Variants in PGM5 observed in about 807,000 individuals in gnomAD.
The protein encoded by PGM5 is phosphoglucomutase-like protein 5.
A neutral mutation model predicts 59.2 loss-of-function variants in PGM5; 23 were observed. The ratio of observed to expected loss-of-function variants is 0.39; its 90% CI spans 0.28 to 0.55. The LOEUF (loss-of-function observed/expected upper bound fraction) is 0.55, where lower values mean the gene tolerates loss of function less well. PGM5 is among the 20% of genes least tolerant of loss of function. The probability of loss-of-function intolerance (pLI) is 0.66; values close to 1 mark genes in which losing one functional copy is unlikely to be tolerated. For missense variants in PGM5, 574 were observed against 748.3 expected (o/e 0.77, Z 2.72); for synonymous variants, 214 against 286.0 (o/e 0.75, Z 2.54).
chr9:68,500,771 A>C (rs1439973705), intron 10 of PGM5, among the ~76,000 whole-genome samples: 18 of 151,908 alleles, frequency 1.2e-4, no homozygotes, highest in Admixed American at 5.2e-4. Context: ...ACCAACTCTG[A>C]CTCACTCTGA....
chr9:68,484,806 T>C (rs781864987), intron 9 of PGM5, among the ~76,000 whole-genome samples: 1 of 152,112 alleles, frequency 6.6e-6, no homozygotes, highest in Non-Finnish European at 1.5e-5. Context: ...GGGGCCTCAG[T>C]GAGTCAGTCC....
intron 6 of PGM5, among the ~76,000 whole-genome samples, chr9:68,464,812 A>T (rs1009428043): frequency 9.2e-5 from 14 of 152,234 alleles, no homozygotes; most frequent in African/African-American, 3.1e-4. Flanking sequence ...TTCCAAAAAG[A>T]TAAAGAAAAA....
intron 9 of PGM5, 120 bp from the exon 10 acceptor site, chr9:68,499,107 T>C: frequency 9.6e-7 from 1 of 1,038,710 alleles, no homozygotes; most frequent in Non-Finnish European, 1.5e-6. Flanking sequence ...CCAATATAAA[T>C]GGTCTTGATT....
intron 10 of PGM5, among the ~76,000 whole-genome samples, chr9:68,521,865 G>A (rs999199644): frequency 6.6e-6 from 1 of 152,184 alleles, no homozygotes; most frequent in South Asian, 2.1e-4. Flanking sequence ...TGTGCCTAAA[G>A]CCTCTCAGCT....
intron 7 of PGM5, chr9:68,466,593 T>G (rs1823938704): frequency 6.5e-6 from 1 of 153,380 alleles, no homozygotes; most frequent in Non-Finnish European, 1.5e-5. Context: ...TAGAAATGGG[T>G]ACAACCCTTT....
intron 7 of PGM5, among the ~76,000 whole-genome samples, chr9:68,466,781 C>G (rs1823941811): frequency 6.6e-6 from 1 of 152,080 alleles, no homozygotes; most frequent in Non-Finnish European, 1.5e-5. Flanking sequence ...TTTAAGTGTT[C>G]CTGTTTCTCC....
At chr9:68,509,248 C>A (rs1824706589) in intron 10 of PGM5, among the ~76,000 whole-genome samples, 1 of 152,192 alleles carries the variant, frequency 6.6e-6, no homozygotes, top group African/African-American at 2.4e-5. Context: ...GCTGGCAGGC[C>A]TGACAAACTC....
chr9:68,425,617 T>G (rs1823222964), intron 6 of PGM5, among the ~76,000 whole-genome samples: 1 of 152,206 alleles, frequency 6.6e-6, no homozygotes, highest in African/African-American at 2.4e-5. Context: ...ATACCTACAT[T>G]TTAGAAATAT....
chr9:68,494,148 C>T (rs1824444361), intron 9 of PGM5, among the ~76,000 whole-genome samples: 1 of 152,240 alleles, frequency 6.6e-6, no homozygotes, highest in South Asian at 2.1e-4. Flanking sequence ...ATTCCGGCTA[C>T]TCTAGCTGCT....
intron 10 of PGM5, among the ~76,000 whole-genome samples, chr9:68,513,219 A>G (rs1445236640): frequency 6.6e-6 from 1 of 152,256 alleles, no homozygotes; most frequent in Non-Finnish European, 1.5e-5. Context: ...GGAAAAAAAT[A>G]TCAAATCTCT....
At chr9:68,453,659 C>T (rs1823731108) in intron 6 of PGM5, among the ~76,000 whole-genome samples, 1 of 152,198 alleles carries the variant, frequency 6.6e-6, no homozygotes, top group Non-Finnish European at 1.5e-5. Context: ...AACTTTCAAT[C>T]ATCCCATGTA....
intron 6 of PGM5, among the ~76,000 whole-genome samples, chr9:68,410,518 ATCATGATGATATTTT>A (rs1225470902): frequency 2.0e-5 from 3 of 152,094 alleles, no homozygotes; most frequent in African/African-American, 7.2e-5. Flanking sequence ...GACATAAACT[ATCATGATGATATTTT>A]TGATGATGGT....
At chr9:68,444,171 C>T (rs555674846) in intron 6 of PGM5, among the ~76,000 whole-genome samples, 22 of 150,594 alleles carry the variant, frequency 1.5e-4, no homozygotes, top group African/African-American at 5.4e-4. Flanking sequence ...GGATCAAAGA[C>T]AGAAATATTG....
chr9:68,480,834 C>T (rs1217193513), intron 8 of PGM5, among the ~76,000 whole-genome samples: 3 of 152,080 alleles, frequency 2.0e-5, no homozygotes, highest in Admixed American at 6.5e-5. Context: ...ATCACTTTCC[C>T]GTTGTTTAAG....
At chr9:68,427,490 T>C (rs1388178346) in intron 6 of PGM5, among the ~76,000 whole-genome samples, 4 of 152,152 alleles carry the variant, frequency 2.6e-5, no homozygotes, top group Non-Finnish European at 4.4e-5. Flanking sequence ...AAATCCCTGT[T>C]TGATCCTATC....
In PGM5 at chr9:68,421,403, A is replaced by G. The variant is rs966496499; in HGVS notation, c.1043+28930A>G. On this transcript the variant is annotated intron_variant, in intron 6 of 10. Coordinates refer to ENST00000396396, the MANE Select transcript of PGM5 (RefSeq NM_021965.4). ...ATCTTATGGGCAACGGATTCTCCAT[A>G]TTAAATTCCTTCTGTTTGAAATACT... is the stretch of plus-strand genomic sequence containing the variant. 2.0e-5 allele frequency among the ~76,000 whole-genome samples: 3 copies of G among 152,186 alleles called. No individual in the cohort carries two copies. The South Asian group carries it at 6.2e-4, about 32-fold the overall frequency.
chr9:68,526,456 A>AC (rs1824976171), intron 10 of PGM5, among the ~76,000 whole-genome samples: 1 of 152,264 alleles, frequency 6.6e-6, no homozygotes, highest in Non-Finnish European at 1.5e-5. Flanking sequence ...TGATGAATCC[A>AC]GAAACAGAGT....
intron 1 of PGM5, among the ~76,000 whole-genome samples, chr9:68,373,763 C>A (rs4014852): frequency 0.013 from 1,938 of 145,632 alleles, 37 homozygotes; most frequent in African/African-American, 0.047. Flanking sequence ...TCACTCACAC[C>A]ATAGTCCAAT....
chr9:68,520,631 C>T (rs1292204345), intron 10 of PGM5, among the ~76,000 whole-genome samples: 2 of 151,976 alleles, frequency 1.3e-5, no homozygotes, highest in East Asian at 1.9e-4. Flanking sequence ...CAACTGAATT[C>T]GAAAATGAAA....
Sources: gnomAD v4.1 joint callset for allele counts (sites outside exome capture counted in the v4.1 genomes callset) on GRCh38, gnomAD v4.1.1 for gene constraint, MANE v1.5 for transcripts, NCBI Gene and HGNC (gene_info 2026-07-23, HGNC 2026-07-21) for gene names.